IMMP2L: variants seen among roughly 807,000 people sequenced by gnomAD.
IMMP2L encodes the protein mitochondrial inner membrane protease subunit 2.
Under a neutral mutation model 19.3 loss-of-function variants are expected in IMMP2L, and 18 were observed. The ratio of observed to expected loss-of-function variants is 0.93; its 90% confidence interval spans 0.64 to 1.38. IMMP2L has a LOEUF of 1.38. Among genes scored for constraint, IMMP2L ranks in the 40% most tolerant of loss-of-function variants. IMMP2L has a pLI of 0.00. For synonymous variants in IMMP2L, 76 were observed against 73.0 expected (o/e 1.04, Z -0.21); for missense variants, 233 against 218.2 (o/e 1.07, Z -0.43).
At chr7:111,491,773 C>A (rs1843127036) in intron 2 of IMMP2L, among the ~76,000 whole-genome samples, 1 of 152,096 alleles carries the variant, frequency 6.6e-6, no homozygotes, top group Non-Finnish European at 1.5e-5. Flanking sequence ...GGTCCTCTTC[C>A]CTAATTTATT....
chr7:111,261,129 T>C (rs1333425191), intron 3 of IMMP2L, among the ~76,000 whole-genome samples: 1 of 152,118 alleles, frequency 6.6e-6, no homozygotes, highest in Non-Finnish European at 1.5e-5. Flanking sequence ...AATTCATCTA[T>C]TTAATAACAT....
At chr7:111,063,691 ATCTC>A (rs56917812) in intron 3 of IMMP2L, among the ~76,000 whole-genome samples, 18,499 of 152,092 alleles carry the variant, frequency 0.12, 1,692 homozygotes, top group African/African-American at 0.25. Flanking sequence ...ACCTTAAATC[ATCTC>A]TCTCAAGTTC....
intron 1 of IMMP2L, among the ~76,000 whole-genome samples, chr7:111,529,917 T>C (rs1847233292): frequency 6.6e-6 from 1 of 152,186 alleles, no homozygotes; most frequent in African/African-American, 2.4e-5. Context: ...ACAACTAGGA[T>C]ACAGAAATTC....
At chr7:111,165,605 A>C (rs1265902451) in intron 3 of IMMP2L, among the ~76,000 whole-genome samples, 3 of 152,010 alleles carry the variant, frequency 2.0e-5, no homozygotes, top group African/African-American at 7.2e-5. Context: ...TTTTATTTAA[A>C]AGTTCAGTTT....
intron 3 of IMMP2L, among the ~76,000 whole-genome samples, chr7:111,045,482 C>T (rs540069185): frequency 6.6e-6 from 1 of 152,316 alleles, no homozygotes; most frequent in Non-Finnish European, 1.5e-5. Flanking sequence ...CTGTATACAA[C>T]TGCCTGTGGC....
chr7:111,037,259 G>A (rs1274646028), intron 3 of IMMP2L, among the ~76,000 whole-genome samples: 2 of 152,108 alleles, frequency 1.3e-5, no homozygotes, highest in Non-Finnish European at 2.9e-5. Context: ...TTTCAAATTT[G>A]TAGAGGTCTA....
At chr7:111,203,613 C>T (rs1586814377) in intron 3 of IMMP2L, among the ~76,000 whole-genome samples, 2 of 128,182 alleles carry the variant, frequency 1.6e-5, no homozygotes, top group South Asian at 4.9e-4. Flanking sequence ...ACCAAAGAAA[C>T]CCAAGGAATT....
intron 5 of IMMP2L, among the ~76,000 whole-genome samples, chr7:110,842,985 A>G (rs962053008): frequency 6.6e-6 from 1 of 152,238 alleles, no homozygotes; most frequent in East Asian, 1.9e-4. Flanking sequence ...GCTTAGAAAA[A>G]CTAAATTAGC....
chr7:111,434,468 T>C (rs866297425), intron 3 of IMMP2L, among the ~76,000 whole-genome samples: 1 of 148,234 alleles, frequency 6.7e-6, no homozygotes, highest in Non-Finnish European at 1.5e-5. Context: ...AAAAAAAAAA[T>C]AACCCCATTA....
intron 5 of IMMP2L, among the ~76,000 whole-genome samples, chr7:110,678,957 G>A (rs1257029564): frequency 6.6e-6 from 1 of 152,120 alleles, no homozygotes; most frequent in African/African-American, 2.4e-5. Context: ...TAGGACAAGT[G>A]TTTTCCTTCA....
chr7:111,233,171 G>A (rs770050779), intron 3 of IMMP2L, among the ~76,000 whole-genome samples: 7 of 152,062 alleles, frequency 4.6e-5, no homozygotes, highest in Non-Finnish European at 8.8e-5. Flanking sequence ...TTCAATGCAT[G>A]CACATAAGTT....
At chr7:111,560,326 A>T (rs1791888775) in intron 1 of IMMP2L, among the ~76,000 whole-genome samples, 2 of 152,146 alleles carry the variant, frequency 1.3e-5, no homozygotes, top group African/African-American at 4.8e-5. Flanking sequence ...ATGCACAGAA[A>T]CCCATGCAAG....
chr7:110,875,119 T>C (rs1346828162), intron 5 of IMMP2L, among the ~76,000 whole-genome samples: 23 of 152,084 alleles, frequency 1.5e-4, no homozygotes, highest in Admixed American at 1.5e-3. Context: ...CAAATACTAC[T>C]TGAAAAAATA....
chr7:111,126,551 AAGGCACTG>A (rs1340973994), intron 3 of IMMP2L, among the ~76,000 whole-genome samples: 2 of 152,174 alleles, frequency 1.3e-5, no homozygotes, highest in Non-Finnish European at 2.9e-5. Context: ...AAATATATTT[AAGGCACTG>A]GAAACCCACA....
intron 3 of IMMP2L, among the ~76,000 whole-genome samples, chr7:111,016,710 TTA>T (rs1261618457): frequency 3.0e-5 from 3 of 99,302 alleles, no homozygotes; most frequent in African/African-American, 1.3e-4. Context: ...ATATATAATT[TTA>T]TATATATTTA....
chr7:110,802,529 T>A (rs1183908030), intron 5 of IMMP2L, among the ~76,000 whole-genome samples: 1 of 152,032 alleles, frequency 6.6e-6, no homozygotes, highest in African/African-American at 2.4e-5. Context: ...ACTTAGACTA[T>A]GAAGAACTCA....
intron 5 of IMMP2L, among the ~76,000 whole-genome samples, chr7:110,686,221 G>A (rs562112887): frequency 6.6e-6 from 1 of 152,112 alleles, no homozygotes; most frequent in South Asian, 2.1e-4. Context: ...CAAAAGATAA[G>A]TAGCTACCCT....
chr7:111,023,543 CAAA>C (rs5886587), intron 3 of IMMP2L, among the ~76,000 whole-genome samples: 12 of 133,060 alleles, frequency 9.0e-5, no homozygotes, highest in Non-Finnish European at 8.0e-5. Context: ...ACTAAAAATA[CAAA>C]AAAAAAAAAA....
At chr7:111,274,120 G>A (rs1294089737) in intron 3 of IMMP2L, among the ~76,000 whole-genome samples, 2 of 151,804 alleles carry the variant, frequency 1.3e-5, no homozygotes, top group Non-Finnish European at 2.9e-5. Flanking sequence ...TTCCCAGGGG[G>A]AAAAAATCAA....
Sources: gnomAD v4.1 joint callset for allele counts (sites outside exome capture counted in the v4.1 genomes callset) on GRCh38, gnomAD v4.1.1 for gene constraint, MANE v1.5 for transcripts, NCBI Gene and HGNC (gene_info 2026-07-23, HGNC 2026-07-21) for gene names.